The following PRP4K variants were observed in gnomAD, a reference collection of about 807,000 sequenced individuals.
PRP4K encodes the protein serine/threonine-protein kinase PRP4 homolog.
At chr6:4,032,275 G>T in the PRP4K span, 5 of 1,612,976 alleles carry the variant, frequency 3.1e-6, no homozygotes, top group South Asian at 5.5e-5. Flanking sequence ...GAGAAAATTG[G>T]TAAGGCCAGA....
chr6:4,048,248 G>C, the PRP4K span, among the ~76,000 whole-genome samples: 4 of 151,924 alleles, frequency 2.6e-5, no homozygotes, highest in Non-Finnish European at 5.9e-5. Flanking sequence ...ACGTGGTGGC[G>C]GGCGCCTGTA....
the PRP4K span, chr6:4,060,313 C>A: frequency 1.9e-6 from 2 of 1,053,488 alleles, no homozygotes; most frequent in Admixed American, 2.5e-5. This position sits in a 1 kb window ranked among gnomAD's most constrained non-coding sequence, Gnocchi z 4.7. Context: ...TATGTATATG[C>A]ATGTTTTTAA....
the PRP4K span, chr6:4,044,197 A>G: frequency 1.6e-6 from 1 of 622,106 alleles, no homozygotes; most frequent in South Asian, 2.1e-5. Flanking sequence ...TTCTCTATAA[A>G]TGTGTTTTTA....
chr6:4,056,666 A>G, the PRP4K span: 4 of 1,562,868 alleles, frequency 2.6e-6, no homozygotes, highest in South Asian at 1.1e-5. Context: ...TCGACTTTAG[A>G]AGACTGCTCT....
the PRP4K span, among the ~76,000 whole-genome samples, chr6:4,024,383 T>C: frequency 6.6e-6 from 1 of 152,160 alleles, no homozygotes; most frequent in South Asian, 2.1e-4. Context: ...TAGGCTTAAT[T>C]ACTTTCCTGG....
chr6:4,038,928 TTCTTTC>T, the PRP4K span, among the ~76,000 whole-genome samples: 2 of 102,324 alleles, frequency 2.0e-5, no homozygotes, highest in African/African-American at 7.5e-5. Context: ...GCTTTTTTTT[TTCTTTC>T]TTTCTTTCTT....
At chr6:4,043,495 G>A in the PRP4K span, among the ~76,000 whole-genome samples, 5 of 152,066 alleles carry the variant, frequency 3.3e-5, no homozygotes, top group African/African-American at 4.8e-5. Flanking sequence ...AATCAAACAC[G>A]TTAATATTTC....
the PRP4K span, chr6:4,031,471 TG>T: frequency 2.0e-6 from 2 of 1,007,216 alleles, no homozygotes; most frequent in Non-Finnish European, 2.9e-6. Context: ...TACATTGAGA[TG>T]TATTTTCTCA....
the PRP4K span, among the ~76,000 whole-genome samples, chr6:4,046,734 T>C: frequency 1.3e-5 from 2 of 151,856 alleles, no homozygotes; most frequent in African/African-American, 4.8e-5. Context: ...CTCAGCTCAC[T>C]GCTACCTCCC....
the PRP4K span, chr6:4,056,219 C>T: frequency 1.5e-5 from 11 of 733,358 alleles, no homozygotes; most frequent in Admixed American, 2.4e-4. Flanking sequence ...TCTTTGTTCT[C>T]AGTATTGGAA....
the PRP4K span, among the ~76,000 whole-genome samples, chr6:4,042,906 T>C: frequency 3.3e-5 from 5 of 152,240 alleles, no homozygotes; most frequent in East Asian, 5.8e-4. Context: ...CAAAAAATTA[T>C]GCATGTTACT....
chr6:4,053,936 G>T, the PRP4K span, among the ~76,000 whole-genome samples: 1 of 95,192 alleles, frequency 1.1e-5, no homozygotes, highest in East Asian at 3.4e-4. Context: ...TTGAGGTAAG[G>T]TCTTGTTCTG....
the PRP4K span, chr6:4,058,980 G>T: frequency 1.9e-6 from 1 of 524,576 alleles, no homozygotes; most frequent in Non-Finnish European, 3.4e-6. Flanking sequence ...AAAAGATGGA[G>T]GGATTTTAAA....
At chr6:4,024,802 C>A in the PRP4K span, among the ~76,000 whole-genome samples, 1 of 152,078 alleles carries the variant, frequency 6.6e-6, no homozygotes. Context: ...GGGATTTCAC[C>A]ATATTGGCCA....
the PRP4K span, among the ~76,000 whole-genome samples, chr6:4,027,830 CT>C: frequency 2.0e-5 from 3 of 152,154 alleles, no homozygotes; most frequent in Non-Finnish European, 4.4e-5. Flanking sequence ...CTCAGCTGTC[CT>C]TTGTCTTGAG....
chr6:4,049,028 C>T, the PRP4K span: 1 of 1,612,220 alleles, frequency 6.2e-7, no homozygotes, highest in Non-Finnish European at 8.5e-7. Flanking sequence ...TGCTCGTCTT[C>T]GGGCCGCTGG....
chr6:4,037,777 G>A, the PRP4K span, among the ~76,000 whole-genome samples: 2 of 151,072 alleles, frequency 1.3e-5, no homozygotes, highest in African/African-American at 4.9e-5. Flanking sequence ...GCTCATTTAG[G>A]ATGCAATAAA....
chr6:4,052,873 G>A, the PRP4K span: 1 of 1,605,382 alleles, frequency 6.2e-7, no homozygotes, highest in Non-Finnish European at 8.5e-7. Flanking sequence ...ACAATATCCT[G>A]GTAAGTCAAA....
At chr6:4,057,942 A>G in the PRP4K span, among the ~76,000 whole-genome samples, 1 of 151,920 alleles carries the variant, frequency 6.6e-6, no homozygotes, top group Non-Finnish European at 1.5e-5. Flanking sequence ...ATTTCAGCCT[A>G]TTTGCTGAAT....
Sources: allele counts gnomAD v4.1 joint callset (sites outside exome capture counted in the v4.1 genomes callset), GRCh38; gene constraint gnomAD v4.1.1; non-coding constraint Gnocchi (gnomAD v3.1); transcripts MANE v1.5; gene names NCBI Gene and HGNC (gene_info 2026-07-23, HGNC 2026-07-21).